ELMO1: variants seen among roughly 807,000 people sequenced by gnomAD.
The protein encoded by ELMO1 is engulfment and cell motility 1, also known as engulfment and cell motility protein 1.
A neutral mutation model predicts 98.9 loss-of-function variants in ELMO1; 26 were observed. The observed-to-expected ratio is 0.26, with a 90% CI of 0.19 to 0.36. ELMO1 has a LOEUF of 0.36. Among genes scored for constraint, ELMO1 ranks in the 10% least tolerant of loss-of-function variants. The pLI is 1.00. For missense variants in ELMO1, 627 were observed against 935.2 expected (o/e 0.67, Z 4.30); for synonymous variants, 346 against 346.0 (o/e 1.00, Z 0.00).
intron 16 of ELMO1, among the ~76,000 whole-genome samples, chr7:37,012,380 G>A (rs118047261): frequency 1.7e-3 from 254 of 152,250 alleles, no homozygotes; most frequent in Non-Finnish European, 1.9e-3. Context: ...CACCAAGCAC[G>A]CCCATGAAAG....
chr7:37,326,866 A>T (rs1799848485), intron 2 of ELMO1, among the ~76,000 whole-genome samples: 2 of 152,350 alleles, frequency 1.3e-5, no homozygotes, highest in South Asian at 4.1e-4. Flanking sequence ...TTTCCCTTCA[A>T]TTGGAAGGGA....
chr7:37,428,327 G>A (rs1452904820), intron 1 of ELMO1, among the ~76,000 whole-genome samples: 3 of 152,012 alleles, frequency 2.0e-5, no homozygotes, highest in African/African-American at 7.3e-5. Flanking sequence ...AAAGTAGTAT[G>A]AATACAAAAA....
chr7:37,248,454 C>A (rs1230019445), intron 6 of ELMO1, among the ~76,000 whole-genome samples: 2 of 152,064 alleles, frequency 1.3e-5, no homozygotes, highest in Non-Finnish European at 2.9e-5. Context: ...GGGGGCAGAT[C>A]CTGTTTAGGG....
At chr7:37,444,417 T>C (rs1732005) in intron 1 of ELMO1, among the ~76,000 whole-genome samples, 10,756 of 152,332 alleles carry the variant, frequency 0.071, 458 homozygotes, top group Middle Eastern at 0.1. Flanking sequence ...AGCTACTGCC[T>C]TTCTGCATCA....
At chr7:37,120,108 A>AT (rs1426631832) in intron 14 of ELMO1, among the ~76,000 whole-genome samples, 2 of 152,214 alleles carry the variant, frequency 1.3e-5, no homozygotes, top group Admixed American at 1.3e-4. Context: ...GTTGAGTAGG[A>AT]TTTTATCAAC....
intron 4 of ELMO1, among the ~76,000 whole-genome samples, chr7:37,288,875 T>C (rs554704102): frequency 1.1e-4 from 17 of 152,346 alleles, no homozygotes; most frequent in Non-Finnish European, 2.1e-4. Flanking sequence ...CTTGAACCTA[T>C]ATTCTATGGC....
chr7:37,003,011 G>A (rs757787403), intron 16 of ELMO1, among the ~76,000 whole-genome samples: 10 of 152,170 alleles, frequency 6.6e-5, no homozygotes, highest in Non-Finnish European at 1.5e-4. Flanking sequence ...GTGGTGGTCC[G>A]ATTGATATCT....
intron 16 of ELMO1, among the ~76,000 whole-genome samples, chr7:36,903,675 A>G (rs923992951): frequency 6.6e-6 from 1 of 152,178 alleles, no homozygotes; most frequent in South Asian, 2.1e-4. Context: ...AGGGTGGAGG[A>G]ACACTGGTCC....
intron 6 of ELMO1, among the ~76,000 whole-genome samples, chr7:37,258,024 C>T (rs1442191795): frequency 6.6e-6 from 1 of 150,630 alleles, no homozygotes; most frequent in African/African-American, 2.4e-5. Context: ...AATCCCAACA[C>T]CTTGGGAGGC....
chr7:36,872,743 T>C (rs1213350355), intron 19 of ELMO1, among the ~76,000 whole-genome samples: 1 of 152,220 alleles, frequency 6.6e-6, no homozygotes, highest in African/African-American at 2.4e-5. Flanking sequence ...TTGGCTGACT[T>C]TCCAATGGAA....
At chr7:37,068,061 C>A (rs1215802692) in intron 15 of ELMO1, among the ~76,000 whole-genome samples, 1 of 152,124 alleles carries the variant, frequency 6.6e-6, no homozygotes, top group Non-Finnish European at 1.5e-5. Context: ...AGGTAATAGG[C>A]ACAGATGGCC....
At chr7:37,149,526 G>A (rs1788223328) in intron 13 of ELMO1, among the ~76,000 whole-genome samples, 1 of 152,146 alleles carries the variant, frequency 6.6e-6, no homozygotes, top group Admixed American at 6.5e-5. Context: ...AAAATGACAT[G>A]AAATTCAAAT....
At chr7:37,168,231 T>C (rs996702688) in intron 13 of ELMO1, among the ~76,000 whole-genome samples, 4 of 152,322 alleles carry the variant, frequency 2.6e-5, no homozygotes, top group African/African-American at 9.6e-5. Flanking sequence ...ATTCTAGTTA[T>C]ACATTCGTCT....
At chr7:37,144,214 A>C (rs1275461614) in intron 13 of ELMO1, among the ~76,000 whole-genome samples, 2 of 152,094 alleles carry the variant, frequency 1.3e-5, no homozygotes, top group Non-Finnish European at 2.9e-5. Context: ...AAAAATAAAA[A>C]ATATTTTGGG....
chr7:36,865,068 C>T (rs1421165389), intron 20 of ELMO1, among the ~76,000 whole-genome samples: 1 of 152,194 alleles, frequency 6.6e-6, no homozygotes, highest in African/African-American at 2.4e-5. Flanking sequence ...CTGCCATCTT[C>T]CATGGGTCAA....
intron 19 of ELMO1, among the ~76,000 whole-genome samples, chr7:36,875,669 G>C (rs1340225960): frequency 6.6e-6 from 1 of 152,114 alleles, no homozygotes; most frequent in African/African-American, 2.4e-5. Flanking sequence ...CACTCACCCT[G>C]GCAAGCTGGC....
intron 4 of ELMO1, among the ~76,000 whole-genome samples, chr7:37,276,951 T>C (rs937951148): frequency 2.6e-5 from 4 of 152,214 alleles, no homozygotes; most frequent in Non-Finnish European, 5.9e-5. Flanking sequence ...CTTTTACTTA[T>C]GCATCTTTTT....
At chr7:37,084,988 C>T (rs1056533861) in intron 15 of ELMO1, among the ~76,000 whole-genome samples, 12 of 152,058 alleles carry the variant, frequency 7.9e-5, no homozygotes, top group Non-Finnish European at 1.8e-4. Context: ...AACTCCTGAC[C>T]TCATGTAATC....
intron 16 of ELMO1, among the ~76,000 whole-genome samples, chr7:36,901,922 G>A (rs775840747): frequency 1.3e-5 from 2 of 152,120 alleles, no homozygotes; most frequent in African/African-American, 2.4e-5. Flanking sequence ...GAACAGAATC[G>A]GTTCCGACAG....
Sources: allele counts gnomAD v4.1 joint callset (sites outside exome capture counted in the v4.1 genomes callset), GRCh38; gene constraint gnomAD v4.1.1; transcripts MANE v1.5; gene names NCBI Gene and HGNC (gene_info 2026-07-23, HGNC 2026-07-21).